The following GNAS-AS1 variants were observed in gnomAD, a reference collection of about 807,000 sequenced individuals.
The protein encoded by GNAS-AS1 is GNAS antisense RNA 1, also known as GNAS antisense RNA 1 (non-protein coding).
chr20:58,841,650 C>G lies in GNAS-AS1; in HGVS notation n.819+287G>C. The G allele has an allele frequency of 9.0e-7, 1 of 1,117,136 alleles. No homozygotes were observed. The highest frequency in any genetic ancestry group is 1.1e-6 in the Non-Finnish European group (1 of 914,860). 69.2% of individuals were successfully genotyped at this position (1,117,136 alleles called of 1,614,324 possible). ...GGAGCTGACCTCTCCCGGCGGCGGG[C>G]GGTTAGGGGAAAGTACCTGGGGGAA... On this transcript the variant is annotated intron_variant and non_coding_transcript_variant, in intron 4 of 4. Transcript: ENST00000424094. The surrounding 1 kb of genome is among the most constrained non-coding windows in gnomAD (Gnocchi z 5.0).
intron 2 of GNAS-AS1, among the ~76,000 whole-genome samples, chr20:58,844,815 AAACAAC>A: frequency 6.6e-6 from 1 of 152,146 alleles, no homozygotes; most frequent in Non-Finnish European, 1.5e-5. Context: ...AAACAAAACA[AAACAAC>A]AACAACAACA....
At chr20:58,825,279 AT>A (rs2085511974) in intron 4 of GNAS-AS1, among the ~76,000 whole-genome samples, 1 of 152,312 alleles carries the variant, frequency 6.6e-6, no homozygotes, top group African/African-American at 2.4e-5. Context: ...AACCTCATTT[AT>A]CCCCTTTGGT....
Position 58,841,754 on chromosome 20 carries a change from G to T in GNAS-AS1, n.819+183C>A. The T allele has an allele frequency of 8.1e-7, 1 of 1,229,376 alleles. No homozygotes were observed. The highest frequency in any genetic ancestry group is 1.0e-6 in the Non-Finnish European group (1 of 986,982). 76.2% of individuals were successfully genotyped at this position (1,229,376 alleles called of 1,614,324 possible). On this transcript the variant is annotated intron_variant and non_coding_transcript_variant, in intron 4 of 4. Transcript: ENST00000424094. The surrounding 1 kb of genome is among the most constrained non-coding windows in gnomAD (Gnocchi z 5.0). The stretch of plus-strand genomic sequence containing the variant: ...GAACGCACAGGCATGGTCACGTCGG[G>T]GTATTGCCAAGCTTTTGGCGCAGCT...
chr20:58,840,324 C>T lies in GNAS-AS1; in HGVS notation n.819+1613G>A, dbSNP rs2085668916. On this transcript the variant is annotated intron_variant and non_coding_transcript_variant, in intron 4 of 4. Coordinates refer to ENST00000424094, the Ensembl canonical transcript of GNAS-AS1. This position sits in a 1 kb window ranked among gnomAD's most constrained non-coding sequence, Gnocchi z 6.0. ...CTTAACGCCCACCACCGCTCCGGCGCCCAGGTATTCCCTGAGTCCCCCGAA... is the reference window on the plus strand; with the variant it reads ...CTTAACGCCCACCACCGCTCCGGCGTCCAGGTATTCCCTGAGTCCCCCGAA... 6.2e-7 allele frequency: 1 copy of T among 1,612,940 alleles called. No individual in the cohort carries two copies. Among genetic ancestry groups the T allele is most frequent in the African/African-American group, 1.3e-5 (1 of 74,936 alleles).
intron 4 of GNAS-AS1, among the ~76,000 whole-genome samples, chr20:58,837,106 G>A (rs1413480528): frequency 2.6e-5 from 4 of 151,978 alleles, no homozygotes; most frequent in African/African-American, 7.3e-5. Context: ...AATCTACCTC[G>A]TTGCTGACAG....
At chr20:58,834,547 G>A (rs970446327) in intron 4 of GNAS-AS1, 5 of 152,202 alleles carry the variant, frequency 3.3e-5, no homozygotes, top group African/African-American at 9.7e-5. Context: ...CCAGGGCCAC[G>A]GGAGAGAAAT....
rs2085737580 is a variant in GNAS-AS1 at position 58,841,725 on chromosome 20, G to T, written n.819+212C>A. 8.2e-7 allele frequency: 1 copy of T among 1,223,324 alleles called. No individual in the cohort carries two copies. Among genetic ancestry groups the T allele is most frequent in the Non-Finnish European group, 1.0e-6 (1 of 982,960 alleles). 75.8% of individuals were successfully genotyped at this position (1,223,324 alleles called of 1,614,324 possible). A position where few individuals can be genotyped will look rare whatever the true frequency, so the allele number is the denominator to read the frequency against. On this transcript the variant is annotated intron_variant and non_coding_transcript_variant, in intron 4 of 4. Transcript: ENST00000424094. This position sits in a 1 kb window ranked among gnomAD's most constrained non-coding sequence, Gnocchi z 5.0. ...TGGGGATGCCCCTACGGGCTACCAG[G>T]GTTGAACGCACAGGCATGGTCACGT...
intron 4 of GNAS-AS1, among the ~76,000 whole-genome samples, chr20:58,835,943 G>GCTC (rs11472773): frequency 0.58 from 88,387 of 151,800 alleles, 26,674 homozygotes; most frequent in East Asian, 0.8. Context: ...GGTGAGGAAA[G>GCTC]CTCCACAGGC....
chr20:58,845,697 G>T (rs1286665439), intron 2 of GNAS-AS1, among the ~76,000 whole-genome samples: 2 of 152,174 alleles, frequency 1.3e-5, no homozygotes, highest in African/African-American at 4.8e-5. Flanking sequence ...AATCTCATGA[G>T]TTTTTTCAAA....
Position 58,840,852 on chromosome 20 carries a change from C to T in GNAS-AS1, n.819+1085G>A, listed in dbSNP as rs756061865. The T allele has an allele frequency of 6.2e-7, 1 of 1,612,780 alleles. No individual in the cohort carries two copies. The highest frequency in any genetic ancestry group is 1.1e-5 in the South Asian group (1 of 91,070). The stretch of plus-strand genomic sequence containing the variant: ...CCCATCCGGCGTCACTAATGGAGGA[C>T]GCCGTCCAGATTCTCCTTGTTTTCA... On this transcript the variant is annotated intron_variant and non_coding_transcript_variant, in intron 4 of 4. Coordinates refer to ENST00000424094, the Ensembl canonical transcript of GNAS-AS1. The surrounding 1 kb of genome is among the most constrained non-coding windows in gnomAD (Gnocchi z 6.0).
rs2085670991 is a variant in GNAS-AS1, at chr20:58,840,368, C to G, written n.819+1569G>C. 1 of 1,613,244 alleles carries G rather than the reference C, an allele frequency of 6.2e-7. No individual in the cohort carries two copies. On this transcript the variant is annotated intron_variant and non_coding_transcript_variant, in intron 4 of 4. Coordinates refer to ENST00000424094, the Ensembl canonical transcript of GNAS-AS1. The surrounding 1 kb of genome is among the most constrained non-coding windows in gnomAD (Gnocchi z 6.0). ...CCCCGAATCGGAATCTGACCACGAG[C>G]ACGAGGAGGCAGACCTTGAGCTGTC...
chr20:58,830,240 CCACCACCACCATCAACGCCA>C, intron 4 of GNAS-AS1, among the ~76,000 whole-genome samples: 1 of 149,180 alleles, frequency 6.7e-6, no homozygotes, highest in East Asian at 2.0e-4. Flanking sequence ...ACCACAATCA[CCACCACCACCATCAACGCCA>C]CACCATCACC....
At chr20:58,838,197 A>G (rs1444142624) in intron 4 of GNAS-AS1, among the ~76,000 whole-genome samples, 1 of 152,118 alleles carries the variant, frequency 6.6e-6, no homozygotes, top group Non-Finnish European at 1.5e-5. Flanking sequence ...GCACCCCATA[A>G]TCATCATGGA....
In GNAS-AS1 at chr20:58,840,082, G is replaced by T. The variant is rs1224099032; in HGVS notation, n.819+1855C>A. 2 of 1,608,522 alleles carry T rather than the reference G, an allele frequency of 1.2e-6. No homozygotes were observed. The highest frequency in any genetic ancestry group is 1.7e-6 in the Non-Finnish European group (2 of 1,179,876). ...TCTCTGCAGAGCCAGAGGGCAGGCC[G>T]GCTTCTCGGTGTGTGCCTAAGAGGA... On this transcript the variant is annotated intron_variant and non_coding_transcript_variant, in intron 4 of 4. Transcript: ENST00000424094. This position sits in a 1 kb window ranked among gnomAD's most constrained non-coding sequence, Gnocchi z 6.0.
intron 4 of GNAS-AS1, among the ~76,000 whole-genome samples, chr20:58,819,475 A>G (rs1254991267): frequency 2.0e-5 from 3 of 152,212 alleles, no homozygotes; most frequent in African/African-American, 7.2e-5. Context: ...TTAAGAGAGA[A>G]GCAGTTATGG....
chr20:58,823,430 G>A (rs116539706), intron 4 of GNAS-AS1, among the ~76,000 whole-genome samples: 1,761 of 152,332 alleles, frequency 0.012, 35 homozygotes, highest in African/African-American at 0.039. Context: ...GGGGCTTGGG[G>A]GGCTTTGGAG....
At chr20:58,824,059 CG>C in intron 4 of GNAS-AS1, 1 of 398,658 alleles carries the variant, frequency 2.5e-6, no homozygotes, top group South Asian at 1.3e-4. Flanking sequence ...AGGAAGAGGT[CG>C]GCTTCAACAT....
rs753525197 is a variant in GNAS-AS1 at position 58,840,418 on chromosome 20, G to A, written n.819+1519C>T. On this transcript the variant is annotated intron_variant and non_coding_transcript_variant, in intron 4 of 4. Coordinates refer to ENST00000424094, the Ensembl canonical transcript of GNAS-AS1. The surrounding 1 kb of genome is among the most constrained non-coding windows in gnomAD (Gnocchi z 6.0). ...CCCTCCCCGAGTGCCTAGAGTACGAGGAAGAGTTCGACTACGAGACCGAGA... is the reference window on the plus strand; with the variant it reads ...CCCTCCCCGAGTGCCTAGAGTACGAAGAAGAGTTCGACTACGAGACCGAGA... 6.2e-7 allele frequency: 1 copy of A among 1,613,610 alleles called. No individual in the cohort carries two copies. Among genetic ancestry groups the A allele is most frequent in the Non-Finnish European group, 8.5e-7 (1 of 1,179,930 alleles).
At chr20:58,824,133 A>T (rs2085504699) in intron 4 of GNAS-AS1, 1 of 398,480 alleles carries the variant, frequency 2.5e-6, no homozygotes, top group Admixed American at 4.4e-5. Context: ...TCCAGAAGAG[A>T]AGAACCCAGT....
Sources: gnomAD v4.1 joint callset for allele counts (sites outside exome capture counted in the v4.1 genomes callset) on GRCh38, gnomAD v4.1.1 for gene constraint, Gnocchi (gnomAD v3.1) non-coding constraint, MANE v1.5 for transcripts, NCBI Gene and HGNC (gene_info 2026-07-23, HGNC 2026-07-21) for gene names.